Variants in KIAA0753 observed in about 807,000 individuals in gnomAD.
The protein encoded by KIAA0753 is protein moonraker.
Under a neutral mutation model 116.9 loss-of-function variants are expected in KIAA0753, and 114 were observed. The ratio of observed to expected loss-of-function variants is 0.98; its 90% confidence interval spans 0.84 to 1.14. The LOEUF is 1.14. Among genes scored for constraint, KIAA0753 ranks in the 50% most tolerant of loss-of-function variants. The probability of loss-of-function intolerance (pLI) is 0.00; values close to 1 mark genes in which losing one functional copy is unlikely to be tolerated. For synonymous variants in KIAA0753, 405 were observed against 413.1 expected, an observed-to-expected ratio of 0.98 and a Z score of 0.24; for missense variants, 1,156 against 1,172.4, an observed-to-expected ratio of 0.99 and a Z score of 0.20.
At chr17:6,629,451 T>C (rs1354863715) in intron 2 of KIAA0753, among the ~76,000 whole-genome samples, 1 of 152,242 alleles carries the variant, frequency 6.6e-6, no homozygotes, top group African/African-American at 2.4e-5. Context: ...ATTGTTCCAG[T>C]TTTTCCACTA....
chr17:6,622,972 G>C lies in KIAA0753; in HGVS notation c.1014C>G (p.Ser338Arg), dbSNP rs535779021. The part of the protein sequence containing the change: ...PLPARCKELG[S>R]LIRQLSLCSV... ...AACAAAGTGAAAGCTGGCGAATAAG[G>C]CTGCCCAGTTCCTTACACCGAGCAG... is the stretch of plus-strand genomic sequence containing the variant. Residue 338 changes from serine to arginine, a missense_variant, in exon 6 of 19, where the codon AGC (serine) becomes AGG (arginine). Transcript: ENST00000361413. The C allele has an allele frequency of 8.6e-5, 139 of 1,614,158 alleles. 1 individual carries two copies. Among genetic ancestry groups the C allele is most frequent in the Admixed American group, 2.3e-4 (14 of 60,014 alleles).
At chr17:6,622,062 T>A (rs1445143928) in intron 6 of KIAA0753, among the ~76,000 whole-genome samples, 2 of 152,116 alleles carry the variant, frequency 1.3e-5, no homozygotes, top group Admixed American at 1.3e-4. Flanking sequence ...CTCTCCACTA[T>A]CCACCTTTCT....
At chr17:6,608,096 G>C (rs1475316340) in intron 10 of KIAA0753, among the ~76,000 whole-genome samples, 1 of 152,070 alleles carries the variant, frequency 6.6e-6, no homozygotes, top group East Asian at 1.9e-4. Context: ...TACAAAACTA[G>C]CAAGTGATAT....
chr17:6,599,991 G>T (rs913975005), intron 13 of KIAA0753, among the ~76,000 whole-genome samples: 1 of 152,090 alleles, frequency 6.6e-6, no homozygotes, highest in Non-Finnish European at 1.5e-5. Context: ...GTGCACAGAA[G>T]CTGTCCTAAC....
chr17:6,619,171 G>A (rs1971131148), intron 7 of KIAA0753, among the ~76,000 whole-genome samples: 1 of 152,072 alleles, frequency 6.6e-6, no homozygotes, highest in African/African-American at 2.4e-5. Flanking sequence ...AGAGGTTGCA[G>A]TGAGCCGAGA....
At chr17:6,619,057 C>A (rs1971121683) in intron 7 of KIAA0753, among the ~76,000 whole-genome samples, 1 of 151,942 alleles carries the variant, frequency 6.6e-6, no homozygotes. Context: ...GGTGAAACCC[C>A]GTCTCTACTA....
intron 7 of KIAA0753, among the ~76,000 whole-genome samples, chr17:6,616,473 C>A (rs945314266): frequency 1.3e-5 from 2 of 152,196 alleles, no homozygotes; most frequent in African/African-American, 4.8e-5. Context: ...TTGCCACTTA[C>A]AACAACTAAG....
At chr17:6,624,509 T>C (rs1971527804) in intron 4 of KIAA0753, among the ~76,000 whole-genome samples, 1 of 146,618 alleles carries the variant, frequency 6.8e-6, no homozygotes, top group Admixed American at 6.9e-5. Context: ...CCTCATAAAG[T>C]CAAGAACCAG....
chr17:6,589,121 C>A (rs1293487448), intron 18 of KIAA0753, among the ~76,000 whole-genome samples: 1 of 152,182 alleles, frequency 6.6e-6, no homozygotes. Flanking sequence ...GTGTTTCCCC[C>A]ATATTCGTAT....
chr17:6,618,454 G>A (rs1971079712), intron 7 of KIAA0753, among the ~76,000 whole-genome samples: 1 of 152,176 alleles, frequency 6.6e-6, no homozygotes, highest in Non-Finnish European at 1.5e-5. Context: ...TCTGAAGCTG[G>A]GGTCTCTTAT....
In KIAA0753 at chr17:6,628,369, G is replaced by C. The variant is rs948161987; in HGVS notation, c.466C>G (p.Gln156Glu). ...RKESKSQAAC[Q>E]CSHQPSKVEI... ...ACTTTGGATGGCTGGTGGCTACACT[G>C]ACAGGCTGCTTGACTCTTTGATTCC... is the stretch of plus-strand genomic sequence containing the variant. Residue 156 changes from glutamine (Q) to glutamate (E), a missense_variant, in exon 3 of 19, where the codon CAG becomes GAG. Gln to Glu is a conservative substitution (Grantham distance 29, BLOSUM62 2). Coordinates refer to ENST00000361413, the MANE Select transcript of KIAA0753 (RefSeq NM_014804.3). 1 of 1,614,110 alleles carries C rather than the reference G, an allele frequency of 6.2e-7. No individual in the cohort carries two copies. The highest frequency in any genetic ancestry group is 8.5e-7 in the Non-Finnish European group (1 of 1,180,044).
rs1971423190 is a variant in KIAA0753 at position 6,622,926 on chromosome 17, G to A, written c.1060C>T (p.Pro354Ser). 1 of 1,614,084 alleles carries A rather than the reference G, an allele frequency of 6.2e-7. No homozygotes were observed. Among genetic ancestry groups the A allele is most frequent in the South Asian group, 1.1e-5 (1 of 91,080 alleles). ...SLCSVKLDAD[P>S]SVPDVVIDIL... ...TCTATAACCACATCAGGAACAGAAG[G>A]GTCTGCATCCAGCTTGACAGAACAA... The change falls in exon 6 of 19, where the codon CCT becomes TCT. Residue 354 changes from proline (P) to serine (S), a missense_variant. Transcript: ENST00000361413.
intron 17 of KIAA0753, 129 bp from the exon 18 acceptor site, chr17:6,590,132 G>A: frequency 1.3e-6 from 1 of 767,662 alleles, no homozygotes; most frequent in African/African-American, 1.8e-5. Flanking sequence ...GAACAAAACT[G>A]AACAACCTAA....
At chr17:6,632,469 T>C (rs1344000661) in intron 2 of KIAA0753, among the ~76,000 whole-genome samples, 2 of 152,092 alleles carry the variant, frequency 1.3e-5, no homozygotes, top group Non-Finnish European at 2.9e-5. Flanking sequence ...CAAGTAAATG[T>C]AGAAGGAAGG....
At chr17:6,605,589 GT>G (rs1197852147) in intron 12 of KIAA0753, among the ~76,000 whole-genome samples, 1 of 152,142 alleles carries the variant, frequency 6.6e-6, no homozygotes, top group African/African-American at 2.4e-5. Flanking sequence ...AGCTAGATTT[GT>G]GCCTGTTTCT....
chr17:6,616,471 TACA>T (rs1290277381), intron 7 of KIAA0753, among the ~76,000 whole-genome samples: 1 of 152,222 alleles, frequency 6.6e-6, no homozygotes, highest in African/African-American at 2.4e-5. Flanking sequence ...ATTTGCCACT[TACA>T]ACAACTAAGT....
Position 6,623,109 on chromosome 17 carries a change from C to A in KIAA0753, c.889-12G>T. 6.2e-7 allele frequency: 1 copy of A among 1,604,734 alleles called. No homozygotes were observed. Among genetic ancestry groups the A allele is most frequent in the Non-Finnish European group, 8.5e-7 (1 of 1,174,488 alleles). On this transcript the variant is annotated splice_polypyrimidine_tract_variant and intron_variant, in intron 5 of 18. Coordinates refer to ENST00000361413, the MANE Select transcript of KIAA0753 (RefSeq NM_014804.3). ...GACATTGCCCATGACTGGTAATAAACAAGATGAGAGAAGTTATTTCCATAC... is the reference window on the plus strand; with the variant it reads ...GACATTGCCCATGACTGGTAATAAAAAAGATGAGAGAAGTTATTTCCATAC...
intron 18 of KIAA0753, among the ~76,000 whole-genome samples, chr17:6,583,615 T>TGG (rs1567530914): frequency 1.3e-5 from 2 of 152,264 alleles, no homozygotes; most frequent in African/African-American, 2.4e-5. Context: ...TATTTTCTTC[T>TGG]GTTGTGTCTA....
intron 8 of KIAA0753, among the ~76,000 whole-genome samples, chr17:6,611,013 T>A (rs1970504099): frequency 6.6e-6 from 1 of 152,162 alleles, no homozygotes; most frequent in Non-Finnish European, 1.5e-5. Flanking sequence ...CTAACTCTCC[T>A]TTTCTGGAGG....
Sources: gnomAD v4.1 joint callset for allele counts (sites outside exome capture counted in the v4.1 genomes callset) on GRCh38, gnomAD v4.1.1 for gene constraint, MANE v1.5 for transcripts, NCBI Gene and HGNC (gene_info 2026-07-23, HGNC 2026-07-21) for gene names.